Variants in NCALD observed in about 807,000 individuals in gnomAD.
The protein encoded by NCALD is neurocalcin-delta.
A neutral mutation model predicts 18.6 loss-of-function variants in NCALD; 10 were observed. That is an observed-to-expected ratio of 0.54 (90% CI 0.33 to 0.91). The LOEUF is 0.91. Among genes scored for constraint, NCALD ranks in the 40% least tolerant of loss-of-function variants. The pLI, the probability that NCALD is intolerant of heterozygous loss-of-function variation, is 0.03. For synonymous variants in NCALD, 88 were observed against 87.4 expected (o/e 1.01, Z -0.04); for missense variants, 184 against 247.6 (o/e 0.74, Z 1.72).
At chr8:101,929,231 G>A (rs1050222257) in intron 2 of NCALD, among the ~76,000 whole-genome samples, 2 of 106,252 alleles carry the variant, frequency 1.9e-5, no homozygotes, top group Non-Finnish European at 1.9e-5. Flanking sequence ...GGGGAAGAAG[G>A]AGGAGGAGGA....
intron 1 of NCALD, among the ~76,000 whole-genome samples, chr8:101,725,928 G>A (rs1461946062): frequency 3.3e-5 from 5 of 152,306 alleles, no homozygotes; most frequent in East Asian, 3.9e-4. Context: ...GTGGGTGAAC[G>A]GGTGTTGGAA....
chr8:101,840,277 G>GCA (rs1398270460), intron 4 of NCALD, among the ~76,000 whole-genome samples: 1 of 152,160 alleles, frequency 6.6e-6, no homozygotes, highest in Admixed American at 6.5e-5. Flanking sequence ...AAATGTATGT[G>GCA]CACACACAGG....
intron 1 of NCALD, among the ~76,000 whole-genome samples, chr8:101,726,431 T>C (rs1027512105): frequency 5.3e-5 from 8 of 152,068 alleles, no homozygotes; most frequent in Admixed American, 3.9e-4. Context: ...GGGCACCTGG[T>C]TGTATTCCAG....
At chr8:101,796,427 T>C (rs1313863108) in intron 4 of NCALD, among the ~76,000 whole-genome samples, 1 of 152,026 alleles carries the variant, frequency 6.6e-6, no homozygotes, top group Non-Finnish European at 1.5e-5. Flanking sequence ...TTAAAATAAC[T>C]CTAATTTGTA....
chr8:101,825,327 A>G (rs1031825244), intron 4 of NCALD, among the ~76,000 whole-genome samples: 2 of 152,256 alleles, frequency 1.3e-5, no homozygotes, highest in African/African-American at 4.8e-5. Context: ...GTCCTTCAGC[A>G]TCTTCCAGTC....
At chr8:101,716,332 A>T (rs1403707182) in intron 2 of NCALD, among the ~76,000 whole-genome samples, 2 of 152,078 alleles carry the variant, frequency 1.3e-5, no homozygotes, top group African/African-American at 4.8e-5. Context: ...GGTGGTGGGC[A>T]AGGGGAGGGA....
At chr8:101,970,495 A>C (rs1820201077) in intron 2 of NCALD, among the ~76,000 whole-genome samples, 1 of 152,122 alleles carries the variant, frequency 6.6e-6, no homozygotes, top group South Asian at 2.1e-4. Flanking sequence ...GCCCCAACCC[A>C]AAAAGCTCTA....
intron 1 of NCALD, among the ~76,000 whole-genome samples, chr8:101,721,946 AT>A (rs1447748652): frequency 6.6e-6 from 1 of 151,640 alleles, no homozygotes; most frequent in Non-Finnish European, 1.5e-5. Flanking sequence ...AGTTTAAGCA[AT>A]CCTCCTGCCT....
At chr8:101,866,369 T>C (rs1450388557) in intron 4 of NCALD, among the ~76,000 whole-genome samples, 2 of 152,216 alleles carry the variant, frequency 1.3e-5, no homozygotes, top group African/African-American at 2.4e-5. Flanking sequence ...CCAGGTGATC[T>C]TATCCAGTCC....
At chr8:101,958,930 G>C (rs1346348958) in intron 2 of NCALD, among the ~76,000 whole-genome samples, 4 of 152,176 alleles carry the variant, frequency 2.6e-5, no homozygotes, top group African/African-American at 4.8e-5. Context: ...TTGAAAGTAA[G>C]TTGCTGGTAT....
intron 2 of NCALD, among the ~76,000 whole-genome samples, chr8:101,982,108 A>G (rs1203054933): frequency 6.6e-6 from 1 of 152,198 alleles, no homozygotes; most frequent in East Asian, 1.9e-4. Context: ...CCATCATTGT[A>G]AGCTTCCTGA....
At chr8:102,069,378 A>C (rs1824109451) in intron 1 of NCALD, among the ~76,000 whole-genome samples, 1 of 152,182 alleles carries the variant, frequency 6.6e-6, no homozygotes, top group Non-Finnish European at 1.5e-5. Context: ...GATGCACAAC[A>C]AATAGTGTTG....
chr8:101,801,383 C>T (rs1015243825), intron 4 of NCALD, among the ~76,000 whole-genome samples: 2 of 151,834 alleles, frequency 1.3e-5, no homozygotes, highest in Non-Finnish European at 2.9e-5. Flanking sequence ...ATTTGAAAAA[C>T]GGTGACCTCA....
chr8:102,090,134 G>C (rs557412931), intron 1 of NCALD, among the ~76,000 whole-genome samples: 4 of 152,256 alleles, frequency 2.6e-5, no homozygotes, highest in African/African-American at 7.2e-5. Flanking sequence ...ATATGAAATA[G>C]TGTTTGGCTT....
chr8:101,867,985 A>G lies in NCALD; in HGVS notation c.-20+19156T>C, dbSNP rs533087577. ...CGCCAACCTTTTTTTTGGCTTGCAC[A>G]TTGTTTAAAACAAAATGAAAATAGG... On this transcript the variant is annotated intron_variant, in intron 4 of 6. Transcript: ENST00000311028. Among the ~76,000 whole-genome samples the G allele has an allele frequency of 1.5e-4, 23 of 152,242 alleles. 1 individual carries two copies. The highest frequency in any genetic ancestry group is 5.5e-4 in the African/African-American group (23 of 41,546).
intron 3 of NCALD, among the ~76,000 whole-genome samples, chr8:101,901,757 T>A (rs770704124): frequency 2.0e-5 from 3 of 152,006 alleles, no homozygotes; most frequent in Non-Finnish European, 4.4e-5. Flanking sequence ...AACTTTATTG[T>A]ACTTACCCCA....
At position 101,689,490 on chromosome 8, in the gene NCALD, G is replaced by GAA; in HGVS notation, c.485-85_485-84insTT. On this transcript the variant is annotated intron_variant, in intron 3 of 3. Coordinates refer to ENST00000220931, the MANE Select transcript of NCALD (RefSeq NM_032041.3). The surrounding 1 kb of genome is among the most constrained non-coding windows in gnomAD (Gnocchi z 4.4). The stretch of plus-strand genomic sequence containing the variant: ...TTCCCACTACTGCGTGCTGGGCAGT[G>GAA]TCGATTCACCTGCCTGCAGCCTCAC... The GAA allele has an allele frequency of 1.9e-6, 2 of 1,063,862 alleles. No homozygotes were observed. Among genetic ancestry groups the GAA allele is most frequent in the Non-Finnish European group, 2.8e-6 (2 of 715,680 alleles). 65.9% of individuals were successfully genotyped at this position (1,063,862 alleles called of 1,614,324 possible).
In NCALD at chr8:101,732,590, C is replaced by CTTT. The variant is rs576286368; in HGVS notation, c.-19-12945_-19-12943dup. On this transcript the variant is annotated intron_variant, in intron 1 of 3. Coordinates refer to ENST00000220931, the MANE Select transcript of NCALD (RefSeq NM_032041.3). Reference sequence around the variant, plus strand: ...AATTCAGAGTATTTCTTTTTCTTTGCTTTTTTTTTTTTTTTTTTTTTTTTT... The same window carrying CTTT: ...AATTCAGAGTATTTCTTTTTCTTTGCTTTTTTTTTTTTTTTTTTTTTTTTTTTT... Among the ~76,000 whole-genome samples, 193 of 53,686 alleles carry CTTT rather than the reference C, an allele frequency of 3.6e-3. 14 individuals carry two copies. The highest frequency in any genetic ancestry group is 5.7e-3 in the East Asian group (9 of 1,586). The allele number at this position is 53,686 out of a possible 152,430, so 35.2% of individuals were successfully genotyped here. A position where few individuals can be genotyped will look rare whatever the true frequency, so the allele number is the denominator to read the frequency against.
chr8:101,691,470 T>C, intron 3 of NCALD: 2 of 985,314 alleles, frequency 2.0e-6, no homozygotes, highest in Non-Finnish European at 2.4e-6. Context: ...TCCTGTGACA[T>C]CTGATCTTCT....
Sources: gnomAD v4.1 joint callset for allele counts (sites outside exome capture counted in the v4.1 genomes callset) on GRCh38, gnomAD v4.1.1 for gene constraint, Gnocchi (gnomAD v3.1) non-coding constraint, MANE v1.5 for transcripts, NCBI Gene and HGNC (gene_info 2026-07-23, HGNC 2026-07-21) for gene names.